Variants in EZH2 observed in about 807,000 individuals in gnomAD.
EZH2 encodes the protein enhancer of zeste 2 polycomb repressive complex 2 subunit.
In EZH2, 18 loss-of-function variants were observed where a neutral mutation model predicts 98.4. That is an observed-to-expected ratio of 0.18 (90% CI 0.13 to 0.27). The LOEUF is 0.27. EZH2 is among the 10% of genes least tolerant of loss of function. EZH2 has a pLI of 1.00. For synonymous variants in EZH2, 338 were observed against 312.3 expected (o/e 1.08, Z -0.87); for missense variants, 470 against 935.1 (o/e 0.50, Z 6.49).
chr7:148,880,719 T>C (rs1380244933), intron 1 of EZH2, among the ~76,000 whole-genome samples: 1 of 152,246 alleles, frequency 6.6e-6, no homozygotes, highest in Non-Finnish European at 1.5e-5. Flanking sequence ...CTGTTCACTT[T>C]GCAAGTTCCT....
intron 3 of EZH2, among the ~76,000 whole-genome samples, chr7:148,839,271 T>G (rs925522133): frequency 3.3e-5 from 5 of 152,114 alleles, no homozygotes; most frequent in African/African-American, 1.2e-4. Context: ...AATTACTCAG[T>G]AAATAGTGTT....
At chr7:148,855,888 A>G (rs1273535077) in intron 1 of EZH2, among the ~76,000 whole-genome samples, 2 of 123,900 alleles carry the variant, frequency 1.6e-5, no homozygotes, top group Admixed American at 2.0e-4. Flanking sequence ...ACAGAGCAAG[A>G]CTCCATCTCA....
chr7:148,869,681 G>A (rs370451458), intron 1 of EZH2, among the ~76,000 whole-genome samples: 1 of 152,196 alleles, frequency 6.6e-6, no homozygotes, highest in East Asian at 1.9e-4. Flanking sequence ...AGGGAACCTA[G>A]GCAAGTTATT....
At chr7:148,840,650 A>C (rs1051778086) in intron 3 of EZH2, among the ~76,000 whole-genome samples, 2 of 152,170 alleles carry the variant, frequency 1.3e-5, no homozygotes, top group South Asian at 2.1e-4. Flanking sequence ...AGCTAGTATA[A>C]AACTGCCTTG....
intron 1 of EZH2, among the ~76,000 whole-genome samples, chr7:148,874,306 T>C (rs1294194974): frequency 1.3e-5 from 2 of 152,176 alleles, no homozygotes; most frequent in African/African-American, 4.8e-5. Flanking sequence ...GAGGATTGTT[T>C]CAGCCCAGGA....
At position 148,836,866 on chromosome 7, in the gene EZH2, G is replaced by C. The variant is rs1414257152; in HGVS notation, c.247-4116C>G. 5.9e-6 allele frequency: 3 copies of C among 509,310 alleles called. No homozygotes were observed. The Admixed American group carries it at 6.8e-5, about 12-fold the overall frequency. The allele number at this position is 509,310 out of a possible 1,614,324, so 31.5% of individuals were successfully genotyped here. ...AGGCGACTGTGTGGCTGGACCACTG[G>C]GAGCTGGAGAGGGAAGTCAAGCCAA... On this transcript the variant is annotated intron_variant, in intron 3 of 19. Transcript: ENST00000320356.
At position 148,858,234 on chromosome 7, in the gene EZH2, A is replaced by G. The variant is rs965518264; in HGVS notation, c.-7-10929T>C. ...GTGAACCCGGGAGGCAGAGCTTGCA[A>G]TGAGCCTAGATAGCGCCACTGCACT... is the stretch of plus-strand genomic sequence containing the variant. On this transcript the variant is annotated intron_variant, in intron 1 of 19. Transcript: ENST00000320356. Among the ~76,000 whole-genome samples the G allele has an allele frequency of 4.0e-5, 6 of 151,824 alleles. No individual in the cohort carries two copies. In the East Asian group the frequency reaches 9.7e-4, roughly 25 times the overall value.
Position 148,846,524 on chromosome 7 carries a change from C to G in EZH2, c.192G>C (p.Arg64Ser), listed in dbSNP as rs777586454. The G allele has an allele frequency of 1.2e-6, 2 of 1,613,874 alleles. No homozygotes were observed. Among genetic ancestry groups the G allele is most frequent in the Non-Finnish European group, 8.5e-7 (1 of 1,179,898 alleles). ...AAGTCAGGATGTGCACAGGCTGTAT[C>G]CTTCGCTGTTTCCATTCTTGGTTTA... ...EILNQEWKQR[R>S]IQPVHILTSV... Residue 64 changes from arginine (R) to serine (S), a missense_variant, in exon 3 of 20, where the codon AGG becomes AGC. By Grantham distance (110) the Arg-to-Ser change is moderately radical (BLOSUM62 -1). This residue lies in a region of EZH2 where 79 missense variants were observed against 122.1 expected (regional missense o/e 0.65). Transcript: ENST00000320356.
chr7:148,869,338 C>CTTTTTTTTT (rs143589780), intron 1 of EZH2, among the ~76,000 whole-genome samples: 3 of 80,290 alleles, frequency 3.7e-5, no homozygotes, highest in African/African-American at 1.4e-4. Flanking sequence ...CAGCAATAGC[C>CTTTTTTTTT]TTTTTTTTTT....
chr7:148,811,892 G>A lies in EZH2; in HGVS notation c.1852-172C>T, dbSNP rs146424940. On this transcript the variant is annotated intron_variant, in intron 15 of 19. Coordinates refer to ENST00000320356, the MANE Select transcript of EZH2 (RefSeq NM_004456.5). ...GTCAACGTGAAAGCTGCTGAGAATG[G>A]CTATGAACATTATGTTTTCCTTATA... 67 of 586,572 alleles carry A rather than the reference G, an allele frequency of 1.1e-4. 1 individual carries two copies. In the East Asian group the frequency reaches 1.9e-3, roughly 16 times the overall value. The allele number at this position is 586,572 out of a possible 1,614,324, so 36.3% of individuals were successfully genotyped here. A position where few individuals can be genotyped will look rare whatever the true frequency, so the allele number is the denominator to read the frequency against.
chr7:148,833,598 TTG>T (rs1313267429), intron 3 of EZH2, among the ~76,000 whole-genome samples: 2 of 152,238 alleles, frequency 1.3e-5, no homozygotes, highest in African/African-American at 2.4e-5. Context: ...GGTAATGGGT[TTG>T]TGTTTCAATC....
chr7:148,835,476 C>T (rs1810662878), intron 3 of EZH2, among the ~76,000 whole-genome samples: 1 of 151,308 alleles, frequency 6.6e-6, no homozygotes, highest in South Asian at 2.1e-4. Flanking sequence ...AGCATCTCCT[C>T]CAACAACAAC....
chr7:148,816,802 G>A (rs372409640), intron 11 of EZH2, 24 bp from the exon 12 acceptor site: 89 of 1,560,708 alleles, frequency 5.7e-5, no homozygotes, highest in Non-Finnish European at 7.6e-5. Context: ...CAGTCACAGA[G>A]CCATGAGGAC....
At chr7:148,876,969 T>G (rs954110776) in intron 1 of EZH2, among the ~76,000 whole-genome samples, 1 of 152,178 alleles carries the variant, frequency 6.6e-6, no homozygotes, top group African/African-American at 2.4e-5. Context: ...TAGTTGTTAC[T>G]TAATCTCTCC....
chr7:148,882,074 T>A (rs1318245709), intron 1 of EZH2, among the ~76,000 whole-genome samples: 1 of 151,918 alleles, frequency 6.6e-6, no homozygotes, highest in Non-Finnish European at 1.5e-5. Flanking sequence ...ACAAGATTAT[T>A]AATAGGATTT....
intron 1 of EZH2, among the ~76,000 whole-genome samples, chr7:148,859,911 T>C (rs986215279): frequency 6.6e-6 from 1 of 152,324 alleles, no homozygotes; most frequent in Non-Finnish European, 1.5e-5. Context: ...GGTTAACTAG[T>C]AGGTCTCATT....
intron 8 of EZH2, among the ~76,000 whole-genome samples, chr7:148,823,845 T>A (rs1470395756): frequency 6.6e-6 from 1 of 152,010 alleles, no homozygotes; most frequent in Non-Finnish European, 1.5e-5. Flanking sequence ...TTTGGAAACG[T>A]AAACCATGTG....
intron 16 of EZH2, among the ~76,000 whole-genome samples, chr7:148,810,870 T>C (rs985825210): frequency 7.0e-5 from 8 of 114,158 alleles, no homozygotes; most frequent in Admixed American, 2.6e-4. Flanking sequence ...CACTCCGGCC[T>C]GGGCAACAAG....
chr7:148,808,751 T>C (rs1363910606), intron 19 of EZH2, among the ~76,000 whole-genome samples: 3 of 152,184 alleles, frequency 2.0e-5, no homozygotes, highest in Non-Finnish European at 2.9e-5. Context: ...ATCGCACTTA[T>C]CTGGAAAACG....
Sources: allele counts gnomAD v4.1 joint callset (sites outside exome capture counted in the v4.1 genomes callset), GRCh38; gene constraint gnomAD v4.1.1; regional missense constraint gnomAD v4.1.1; transcripts MANE v1.5; gene names NCBI Gene and HGNC (gene_info 2026-07-23, HGNC 2026-07-21).